FAM120B: variants seen among roughly 807,000 people sequenced by gnomAD.
The protein encoded by FAM120B is family with sequence similarity 120 member B.
Under a neutral mutation model 96.3 loss-of-function variants are expected in FAM120B, and 83 were observed. The ratio of observed to expected loss-of-function variants is 0.86; its 90% confidence interval spans 0.72 to 1.03. FAM120B has a LOEUF of 1.03. Ranked by LOEUF, FAM120B falls within the 50% of genes least tolerant of loss-of-function variation. FAM120B has a pLI of 0.00. For missense variants in FAM120B, 1,027 were observed against 1,121.2 expected, an observed-to-expected ratio of 0.92 and a Z score of 1.20; for synonymous variants, 407 against 402.7, an observed-to-expected ratio of 1.01 and a Z score of -0.13.
intron 9 of FAM120B, among the ~76,000 whole-genome samples, chr6:170,397,249 C>T (rs756258020): frequency 3.9e-5 from 6 of 152,196 alleles, no homozygotes; most frequent in African/African-American, 9.7e-5. Context: ...GGAAGGTGAG[C>T]GTGTGCAGAG....
intron 9 of FAM120B, among the ~76,000 whole-genome samples, chr6:170,398,255 T>C (rs1229512283): frequency 6.6e-6 from 1 of 152,280 alleles, no homozygotes; most frequent in Non-Finnish European, 1.5e-5. Context: ...TCTGTGACTT[T>C]CTATTCTATT....
At chr6:170,331,155 G>A (rs573291209) in intron 4 of FAM120B, among the ~76,000 whole-genome samples, 1 of 152,318 alleles carries the variant, frequency 6.6e-6, no homozygotes, top group Admixed American at 6.5e-5. Context: ...CTTTCTGTGA[G>A]TTCGTAGTAT....
intron 9 of FAM120B, among the ~76,000 whole-genome samples, chr6:170,403,534 G>A (rs1480287932): frequency 2.0e-5 from 3 of 152,138 alleles, no homozygotes; most frequent in African/African-American, 7.2e-5. Context: ...GCCTGAGTGT[G>A]TGGACAGGTA....
At chr6:170,380,649 T>C (rs772453208) in intron 6 of FAM120B, among the ~76,000 whole-genome samples, 9 of 152,262 alleles carry the variant, frequency 5.9e-5, no homozygotes, top group Non-Finnish European at 1.2e-4. Flanking sequence ...GTACTGTCTT[T>C]AGAGAAATGT....
intron 1 of FAM120B, chr6:170,298,301 A>G (rs1162543612): frequency 6.6e-6 from 1 of 152,250 alleles, no homozygotes; most frequent in African/African-American, 2.4e-5. Context: ...AAAAAAAAGA[A>G]GGAACAAAAT....
chr6:170,399,690 A>C (rs1469974159), intron 9 of FAM120B, among the ~76,000 whole-genome samples: 2 of 144,962 alleles, frequency 1.4e-5, no homozygotes, highest in African/African-American at 5.2e-5. Context: ...AGGTAGAACT[A>C]TGTCATAACT....
At chr6:170,398,247 T>G (rs1778308734) in intron 9 of FAM120B, among the ~76,000 whole-genome samples, 2 of 152,274 alleles carry the variant, frequency 1.3e-5, no homozygotes, top group African/African-American at 4.8e-5. Flanking sequence ...TCTGGAATTC[T>G]GTGACTTTCT....
chr6:170,323,032 T>G (rs759194732), intron 2 of FAM120B, 47 bp from the exon 3 acceptor site: 3 of 1,517,440 alleles, frequency 2.0e-6, no homozygotes. Flanking sequence ...TGAAGGTTAC[T>G]ATCCTGTTTT....
Position 170,348,315 on chromosome 6 carries a change from T to C in FAM120B, c.2182T>C (p.Phe728Leu). The stretch of plus-strand genomic sequence containing the variant: ...TTTGTGCTGCCTCTTGATCTACCTC[T>C]TTGTCCAGGTAATGTCCAGCTGCCC... ...QALCCLLIYL[F>L]VQVDTLCLED... Residue 728 changes from phenylalanine to leucine, a missense_variant, in exon 5 of 11, where the codon TTT becomes CTT. Phe to Leu is a conservative substitution (Grantham distance 22, BLOSUM62 0). This residue lies in a region of FAM120B where 880 missense variants were observed against 980.9 expected (regional missense o/e 0.90). Coordinates refer to ENST00000476287, the MANE Select transcript of FAM120B (RefSeq NM_032448.3). The C allele has an allele frequency of 6.2e-7, 1 of 1,612,738 alleles. No homozygotes were observed. Among genetic ancestry groups the C allele is most frequent in the Non-Finnish European group, 8.5e-7 (1 of 1,179,800 alleles).
At chr6:170,391,898 C>T (rs1357060841) in intron 8 of FAM120B, among the ~76,000 whole-genome samples, 1 of 152,212 alleles carries the variant, frequency 6.6e-6, no homozygotes, top group Non-Finnish European at 1.5e-5. Context: ...TTGCATCCTG[C>T]TTTCCCACTT....
intron 8 of FAM120B, among the ~76,000 whole-genome samples, chr6:170,392,311 G>A (rs774053352): frequency 6.6e-6 from 1 of 152,064 alleles, no homozygotes; most frequent in Non-Finnish European, 1.5e-5. Flanking sequence ...GAGTTCAAGC[G>A]ATTCTCTTGC....
At chr6:170,306,558 G>A (rs373303958), upstream of FAM120B, 1 of 152,274 alleles carries the variant, frequency 6.6e-6, no homozygotes, top group African/African-American at 2.4e-5. Context: ...GCCAGCACCA[G>A]AGCAGTTGCT....
rs1056213544 is a variant in FAM120B at position 170,295,513 on chromosome 6, C to T, written c.48+60C>T. 4 of 665,202 alleles carry T rather than the reference C, an allele frequency of 6.0e-6. No homozygotes were observed. Among genetic ancestry groups the T allele is most frequent in the African/African-American group, 1.9e-5 (1 of 53,858 alleles). 41.2% of individuals were successfully genotyped at this position (665,202 alleles called of 1,614,324 possible). A position where few individuals can be genotyped will look rare whatever the true frequency, so the allele number is the denominator to read the frequency against. On this transcript the variant is annotated intron_variant, in intron 1 of 10. Transcript: ENST00000537664. The surrounding 1 kb of genome is among the most constrained non-coding windows in gnomAD (Gnocchi z 7.8). ...CCCCCAGGCAGCCGCGCTTCCACAGCGGGCAGGAGCGCGACCCCCGGCGCG... is the reference window on the plus strand; with the variant it reads ...CCCCCAGGCAGCCGCGCTTCCACAGTGGGCAGGAGCGCGACCCCCGGCGCG...
chr6:170,367,465 A>G (rs904188563), intron 6 of FAM120B, among the ~76,000 whole-genome samples: 4 of 152,272 alleles, frequency 2.6e-5, no homozygotes, highest in African/African-American at 9.6e-5. Context: ...TTGCCCTGCA[A>G]CAGCAGAGTT....
chr6:170,334,716 C>T (rs1319737329), intron 4 of FAM120B, among the ~76,000 whole-genome samples: 1 of 152,154 alleles, frequency 6.6e-6, no homozygotes, highest in Admixed American at 6.5e-5. Context: ...TTTTCACCAA[C>T]TTGTAAAAAA....
Position 170,317,696 on chromosome 6 carries a change from G to A in FAM120B, c.306G>A (p.Val102=), listed in dbSNP as rs1471400974. ...AGCAGGATAAGAGAGATGAATGGGT[G>A]AAACGAAGGCTCAAGAACAACAGGG... ...MVEQDKRDEW[V]KRRLKNNREI... is the part of the protein sequence containing the mutation. The change falls in exon 2 of 11, where the codon GTG becomes GTA. Residue 102 remains valine, a synonymous_variant. Coordinates refer to ENST00000476287, the MANE Select transcript of FAM120B (RefSeq NM_032448.3). The A allele has an allele frequency of 7.4e-6, 12 of 1,614,148 alleles. No homozygotes were observed. Among genetic ancestry groups the A allele is most frequent in the Non-Finnish European group, 1.0e-5 (12 of 1,180,010 alleles).
At chr6:170,347,763 T>C (rs1199060523) in intron 4 of FAM120B, among the ~76,000 whole-genome samples, 1 of 152,084 alleles carries the variant, frequency 6.6e-6, no homozygotes, top group Non-Finnish European at 1.5e-5. Flanking sequence ...TTTAAGAGAG[T>C]AAGAGAGCAA....
In FAM120B at chr6:170,391,118, G is replaced by C; in HGVS notation, c.2596G>C (p.Ala866Pro). 6.2e-7 allele frequency: 1 copy of C among 1,612,564 alleles called. No individual in the cohort carries two copies. The highest frequency in any genetic ancestry group is 8.5e-7 in the Non-Finnish European group (1 of 1,178,668). Residue 866 changes from alanine to proline, a missense_variant, in exon 8 of 11, where the codon GCA (alanine) becomes CCA (proline). Ala to Pro is a conservative substitution (Grantham distance 27, BLOSUM62 -1). This residue lies in a region of FAM120B where 142 missense variants were observed against 122.5 expected (regional missense o/e 1.16). Coordinates refer to ENST00000476287, the MANE Select transcript of FAM120B (RefSeq NM_032448.3). ...TGRAHWGSHH[A>P]GRWGRQGSSY... is the part of the protein sequence containing the mutation. ...CCGAGCCCACTGGGGCTCACACCAC[G>C]CAGGTGGGAAAGGGCCAGGTGCCTC...
At position 170,406,053 on chromosome 6, in the gene FAM120B, A is replaced by C. The variant is rs1487029891; in HGVS notation, c.*1302A>C. The C allele has an allele frequency of 1.3e-5, 2 of 152,278 alleles. No homozygotes were observed. The highest frequency in any genetic ancestry group is 2.9e-5 in the Non-Finnish European group (2 of 68,062). 9.4% of individuals were successfully genotyped at this position (152,278 alleles called of 1,614,324 possible). A position where few individuals can be genotyped will look rare whatever the true frequency, so the allele number is the denominator to read the frequency against. On this transcript the variant is annotated 3_prime_UTR_variant, in exon 11 of 11. Transcript: ENST00000476287. ...AGTTCAGAGTAATCCTTTTCATGGA[A>C]GAATCTTCAGGTCACCAAAGAATTG... is the stretch of plus-strand genomic sequence containing the variant.
Sources: allele counts gnomAD v4.1 joint callset (sites outside exome capture counted in the v4.1 genomes callset), GRCh38; gene constraint gnomAD v4.1.1; regional missense constraint gnomAD v4.1.1; non-coding constraint Gnocchi (gnomAD v3.1); transcripts MANE v1.5; gene names NCBI Gene and HGNC (gene_info 2026-07-23, HGNC 2026-07-21).